CAB39: variants seen among roughly 807,000 people sequenced by gnomAD.
CAB39 encodes the protein calcium-binding protein 39.
A neutral mutation model predicts 40.0 loss-of-function variants in CAB39; 8 were observed. The ratio of observed to expected loss-of-function variants is 0.20; its 90% CI spans 0.12 to 0.36. The LOEUF (loss-of-function observed/expected upper bound fraction) is 0.36, where lower values mean the gene tolerates loss of function less well. CAB39 is among the 10% of genes least tolerant of loss of function. The pLI is 1.00. For synonymous variants in CAB39, 156 were observed against 141.6 expected (o/e 1.10, Z -0.72); for missense variants, 270 against 401.1 (o/e 0.67, Z 2.79).
intron 7 of CAB39, among the ~76,000 whole-genome samples, chr2:230,815,762 T>TA (rs1696389158): frequency 6.6e-6 from 1 of 152,186 alleles, no homozygotes; most frequent in African/African-American, 2.4e-5. Context: ...TAGGAATGGA[T>TA]ATAAAGCAAG....
intron 2 of CAB39, among the ~76,000 whole-genome samples, chr2:230,789,732 C>T (rs2124955466): frequency 6.6e-6 from 1 of 152,326 alleles, no homozygotes. Flanking sequence ...TCCTCTCTGC[C>T]ACTCTGCCCT....
intron 2 of CAB39, among the ~76,000 whole-genome samples, chr2:230,777,731 C>T (rs994770285): frequency 3.3e-5 from 5 of 152,034 alleles, no homozygotes; most frequent in African/African-American, 9.7e-5. Flanking sequence ...TAAAGCCTGC[C>T]GTGGTTCTTC....
At chr2:230,734,486 A>G (rs560872949) in intron 1 of CAB39, among the ~76,000 whole-genome samples, 3 of 152,154 alleles carry the variant, frequency 2.0e-5, no homozygotes, top group Non-Finnish European at 2.9e-5. Flanking sequence ...CACTGGAGCT[A>G]TGTGAGTGGT....
At chr2:230,740,579 G>T (rs1694858862) in intron 1 of CAB39, among the ~76,000 whole-genome samples, 1 of 152,184 alleles carries the variant, frequency 6.6e-6, no homozygotes, top group South Asian at 2.1e-4. Context: ...CAGGGCAGGG[G>T]ATGGTTTCAG....
At chr2:230,780,657 T>C (rs1695670989) in intron 2 of CAB39, among the ~76,000 whole-genome samples, 1 of 152,234 alleles carries the variant, frequency 6.6e-6, no homozygotes, top group African/African-American at 2.4e-5. Context: ...ACCACAGAAG[T>C]GAAGTACCCT....
intron 3 of CAB39, 78 bp downstream of exon 3, chr2:230,791,114 A>T (rs370089685): frequency 9.1e-7 from 1 of 1,096,050 alleles, no homozygotes; most frequent in African/African-American, 1.6e-5. Flanking sequence ...CTTTTGGAAC[A>T]TTGTAAGATT....
At chr2:230,812,880 G>C (rs1413449601) in intron 6 of CAB39, among the ~76,000 whole-genome samples, 1 of 152,176 alleles carries the variant, frequency 6.6e-6, no homozygotes, top group Non-Finnish European at 1.5e-5. Flanking sequence ...GTGAATTCAT[G>C]TTCAGTAAAC....
intron 1 of CAB39, among the ~76,000 whole-genome samples, chr2:230,729,074 G>C (rs1694639387): frequency 6.6e-6 from 1 of 152,210 alleles, no homozygotes; most frequent in Non-Finnish European, 1.5e-5. Flanking sequence ...CCTGAAGAAA[G>C]AGATTATGCT....
At chr2:230,742,505 T>TA (rs1413533743) in intron 1 of CAB39, among the ~76,000 whole-genome samples, 1 of 148,690 alleles carries the variant, frequency 6.7e-6, no homozygotes, top group Non-Finnish European at 1.5e-5. Flanking sequence ...GAAAACTTCT[T>TA]ATATTAAGTG....
intron 2 of CAB39, among the ~76,000 whole-genome samples, chr2:230,761,227 T>C (rs1211663521): frequency 1.3e-5 from 2 of 152,208 alleles, no homozygotes; most frequent in African/African-American, 4.8e-5. Flanking sequence ...GAAGTTTGTG[T>C]ACATTGAAGT....
In CAB39 at chr2:230,794,543, T is replaced by G. The variant is rs142449739; in HGVS notation, c.398+1212T>G. Among the ~76,000 whole-genome samples, 859 of 152,266 alleles carry G rather than the reference T, an allele frequency of 5.6e-3. 25 individuals are homozygous for G. The highest frequency in any genetic ancestry group is 0.039 in the Admixed American group (590 of 15,300). On this transcript the variant is annotated intron_variant, in intron 4 of 8. Transcript: ENST00000258418. Reference sequence around the variant, plus strand: ...TTTCACTTCAGAGTAATCAGAGGCATGATATGAATGTTGTTAAATGGCATG... The same window carrying G: ...TTTCACTTCAGAGTAATCAGAGGCAGGATATGAATGTTGTTAAATGGCATG...
intron 1 of CAB39, among the ~76,000 whole-genome samples, chr2:230,751,045 A>G (rs1695076883): frequency 6.6e-6 from 1 of 152,266 alleles, no homozygotes. Context: ...AAGTAACATT[A>G]ACACTGGAAG....
At chr2:230,774,915 TAATAG>T (rs1232536366) in intron 2 of CAB39, among the ~76,000 whole-genome samples, 1 of 152,224 alleles carries the variant, frequency 6.6e-6, no homozygotes, top group Non-Finnish European at 1.5e-5. Flanking sequence ...ATTAATGTGA[TAATAG>T]AATTGTTCTT....
At chr2:230,787,517 G>A (rs919302994) in intron 2 of CAB39, among the ~76,000 whole-genome samples, 3 of 152,104 alleles carry the variant, frequency 2.0e-5, no homozygotes, top group South Asian at 4.1e-4. Flanking sequence ...AGTGTCATTC[G>A]CCCCAGTTTA....
intron 2 of CAB39, 72 bp downstream of exon 2, chr2:230,760,187 A>T: frequency 1.2e-6 from 1 of 850,838 alleles, no homozygotes; most frequent in South Asian, 1.7e-5. Flanking sequence ...ATGAGGAATC[A>T]GTAAGTCCCA....
chr2:230,813,159 AACAG>A (rs1280695139), intron 6 of CAB39, among the ~76,000 whole-genome samples: 3 of 152,202 alleles, frequency 2.0e-5, no homozygotes, highest in Non-Finnish European at 2.9e-5. Context: ...CTGTGGTTTA[AACAG>A]ACAGACAAAA....
intron 5 of CAB39, among the ~76,000 whole-genome samples, chr2:230,805,616 C>A (rs1696178305): frequency 6.6e-6 from 1 of 151,858 alleles, no homozygotes; most frequent in Non-Finnish European, 1.5e-5. Context: ...ATAACATGAC[C>A]ATATCAGTTG....
chr2:230,805,672 A>G (rs1330940553), intron 5 of CAB39, among the ~76,000 whole-genome samples: 1 of 152,222 alleles, frequency 6.6e-6, no homozygotes, highest in Non-Finnish European at 1.5e-5. Flanking sequence ...AGCTGTTAGA[A>G]TTACTCCTTC....
intron 1 of CAB39, among the ~76,000 whole-genome samples, chr2:230,728,757 G>A (rs1694632488): frequency 1.3e-5 from 2 of 152,294 alleles, no homozygotes; most frequent in East Asian, 3.9e-4. Context: ...CTACAGGCAT[G>A]TGCCACCACA....
Sources: gnomAD v4.1 joint callset for allele counts (sites outside exome capture counted in the v4.1 genomes callset) on GRCh38, gnomAD v4.1.1 for gene constraint, MANE v1.5 for transcripts, NCBI Gene and HGNC (gene_info 2026-07-23, HGNC 2026-07-21) for gene names.